The following FBXL7 variants were observed in gnomAD, a reference collection of about 807,000 sequenced individuals.
The protein encoded by FBXL7 is F-box/LRR-repeat protein 7.
A neutral mutation model predicts 38.3 loss-of-function variants in FBXL7; 12 were observed. That is an observed-to-expected ratio of 0.31 (90% CI 0.20 to 0.51). The LOEUF (loss-of-function observed/expected upper bound fraction) is 0.51. Ranked by LOEUF, FBXL7 falls within the 20% of genes least tolerant of loss-of-function variation. The pLI is 0.98. For missense variants in FBXL7, 567 were observed against 676.4 expected, an observed-to-expected ratio of 0.84 and a Z score of 1.79; for synonymous variants, 297 against 300.9, an observed-to-expected ratio of 0.99 and a Z score of 0.13.
At chr5:15,522,389 G>C (rs77001039) in intron 1 of FBXL7, among the ~76,000 whole-genome samples, 2,208 of 152,258 alleles carry the variant, frequency 0.015, 57 homozygotes, top group African/African-American at 0.051. Context: ...TGTATTCAGA[G>C]CTTCAGTTAC....
At chr5:15,655,650 C>T (rs757222728) in intron 2 of FBXL7, among the ~76,000 whole-genome samples, 14 of 152,182 alleles carry the variant, frequency 9.2e-5, no homozygotes, top group Non-Finnish European at 1.6e-4. Flanking sequence ...TGTTTCACAG[C>T]GCCTGAAATA....
At chr5:15,766,158 T>C (rs1736585845) in intron 2 of FBXL7, among the ~76,000 whole-genome samples, 1 of 152,162 alleles carries the variant, frequency 6.6e-6, no homozygotes, top group Non-Finnish European at 1.5e-5. Context: ...GCTGTCCCCT[T>C]TACAGATAAT....
intron 2 of FBXL7, among the ~76,000 whole-genome samples, chr5:15,816,542 A>C (rs1037766645): frequency 2.6e-5 from 4 of 152,212 alleles, no homozygotes; most frequent in Non-Finnish European, 5.9e-5. Flanking sequence ...GTACACGTAC[A>C]TGTAATGTAC....
At chr5:15,877,150 C>T (rs1740244951) in intron 2 of FBXL7, among the ~76,000 whole-genome samples, 1 of 152,156 alleles carries the variant, frequency 6.6e-6, no homozygotes, top group Non-Finnish European at 1.5e-5. Flanking sequence ...GAAAAGCTGT[C>T]GCTGGCTTCA....
At chr5:15,599,399 G>A (rs1454696140) in intron 1 of FBXL7, among the ~76,000 whole-genome samples, 5 of 152,278 alleles carry the variant, frequency 3.3e-5, no homozygotes, top group African/African-American at 4.8e-5. Flanking sequence ...ATTTATGTGT[G>A]TGTGTACATG....
intron 2 of FBXL7, among the ~76,000 whole-genome samples, chr5:15,766,350 G>A (rs1464635333): frequency 6.6e-6 from 1 of 152,090 alleles, no homozygotes; most frequent in Admixed American, 6.5e-5. Flanking sequence ...TCCCACCTGC[G>A]CACTGAGAGA....
intron 1 of FBXL7, chr5:15,580,810 C>T: frequency 1.0e-6 from 1 of 985,320 alleles, no homozygotes; most frequent in Non-Finnish European, 1.2e-6. Flanking sequence ...CTCAGTTGCC[C>T]AGGTGAGCAG....
At position 15,684,171 on chromosome 5, in the gene FBXL7, T is replaced by G. The variant is rs191276576; in HGVS notation, c.127+68099T>G. On this transcript the variant is annotated intron_variant, in intron 2 of 3. Transcript: ENST00000504595. ...TCAAACAGTAATTGCTGATATATGG[T>G]CCTCATTAGTCATTTGTGCAAATTT... Among the ~76,000 whole-genome samples, 284 of 152,316 alleles carry G rather than the reference T, an allele frequency of 1.9e-3. 1 individual carries two copies. Among genetic ancestry groups the G allele is most frequent in the African/African-American group, 6.1e-3 (255 of 41,568 alleles).
intron 2 of FBXL7, among the ~76,000 whole-genome samples, chr5:15,917,835 A>G (rs1465400185): frequency 1.3e-5 from 2 of 151,416 alleles, no homozygotes; most frequent in Admixed American, 6.6e-5. Context: ...TTCTAGAAAC[A>G]TTCTCTACCA....
chr5:15,871,576 A>G (rs1022122240), intron 2 of FBXL7, among the ~76,000 whole-genome samples: 3 of 152,186 alleles, frequency 2.0e-5, no homozygotes, highest in Admixed American at 6.5e-5. Flanking sequence ...AGGAATTGCT[A>G]ACTAGAATAA....
intron 2 of FBXL7, among the ~76,000 whole-genome samples, chr5:15,821,318 A>G (rs983678024): frequency 3.9e-5 from 6 of 152,034 alleles, no homozygotes; most frequent in Non-Finnish European, 7.4e-5. Context: ...TGTTGTGAAG[A>G]TTTCTTTTTA....
intron 1 of FBXL7, among the ~76,000 whole-genome samples, chr5:15,534,801 C>T (rs1188401991): frequency 1.3e-5 from 2 of 152,366 alleles, no homozygotes; most frequent in Non-Finnish European, 2.9e-5. Flanking sequence ...TCTTGTTGCT[C>T]TACATCCTTG....
intron 2 of FBXL7, among the ~76,000 whole-genome samples, chr5:15,744,786 G>T (rs1192184230): frequency 6.6e-6 from 1 of 151,988 alleles, no homozygotes; most frequent in African/African-American, 2.4e-5. Flanking sequence ...GTTTTGCATG[G>T]CTGGGGAGGC....
At chr5:15,692,949 C>A (rs1743225659) in intron 2 of FBXL7, among the ~76,000 whole-genome samples, 1 of 152,106 alleles carries the variant, frequency 6.6e-6, no homozygotes. Flanking sequence ...TCTGCTTAGT[C>A]CTATTCGGAT....
intron 2 of FBXL7, among the ~76,000 whole-genome samples, chr5:15,733,825 A>G (rs1561104543): frequency 6.6e-6 from 1 of 152,174 alleles, no homozygotes; most frequent in Non-Finnish European, 1.5e-5. Context: ...TAGCTTGTTA[A>G]TGGCCGGGTG....
At chr5:15,645,776 A>T (rs1241910236) in intron 2 of FBXL7, among the ~76,000 whole-genome samples, 4 of 152,204 alleles carry the variant, frequency 2.6e-5, no homozygotes, top group Non-Finnish European at 4.4e-5. Context: ...CAATAGGCTT[A>T]TTTGGTTCAG....
At chr5:15,647,422 G>A (rs1741566998) in intron 2 of FBXL7, among the ~76,000 whole-genome samples, 1 of 152,098 alleles carries the variant, frequency 6.6e-6, no homozygotes, top group Non-Finnish European at 1.5e-5. Flanking sequence ...TACTTCCGAG[G>A]CCACTGTCAG....
intron 2 of FBXL7, among the ~76,000 whole-genome samples, chr5:15,733,847 G>C (rs1309289602): frequency 1.3e-5 from 2 of 152,162 alleles, no homozygotes; most frequent in Non-Finnish European, 2.9e-5. Flanking sequence ...AGTGGCTCAG[G>C]CCTATAATCC....
chr5:15,636,537 C>T (rs909380515), intron 2 of FBXL7, among the ~76,000 whole-genome samples: 2 of 152,234 alleles, frequency 1.3e-5, no homozygotes, highest in South Asian at 4.1e-4. Context: ...GTCACAGTAA[C>T]AGCCAATTTG....
Sources: allele counts gnomAD v4.1 joint callset (sites outside exome capture counted in the v4.1 genomes callset), GRCh38; gene constraint gnomAD v4.1.1; transcripts MANE v1.5; gene names NCBI Gene and HGNC (gene_info 2026-07-23, HGNC 2026-07-21).